The following ADAMTSL1 variants were observed in gnomAD, a reference collection of about 807,000 sequenced individuals.
ADAMTSL1 encodes ADAMTS-like protein 1.
Under a neutral mutation model 201.8 loss-of-function variants are expected in ADAMTSL1, and 126 were observed. The ratio of observed to expected loss-of-function variants is 0.62; its 90% CI spans 0.54 to 0.72. The LOEUF is 0.72. ADAMTSL1 is among the 30% of genes least tolerant of loss of function. ADAMTSL1 has a pLI of 0.00. For missense variants in ADAMTSL1, 2,679 were observed against 2,277.8 expected (o/e 1.18, Z -3.59); for synonymous variants, 1,121 against 903.4 (o/e 1.24, Z -4.32).
Position 18,549,640 on chromosome 9 carries a change from C to T in ADAMTSL1, c.237+16348C>T, listed in dbSNP as rs1293081051. Among the ~76,000 whole-genome samples the T allele has an allele frequency of 3.3e-5, 5 of 152,120 alleles. No individual in the cohort carries two copies. In the South Asian group the frequency reaches 6.2e-4, roughly 19 times the overall value. ...CTAATGAGTGTCTGGGACTATTGAA[C>T]TTCCCCAACCCTTTGAAGTTAGACA... On this transcript the variant is annotated intron_variant, in intron 3 of 28. Coordinates refer to ENST00000380548, the MANE Select transcript of ADAMTSL1 (RefSeq NM_001040272.6).
chr9:18,235,143 A>C (rs952061829), intron 2 of ADAMTSL1, among the ~76,000 whole-genome samples: 7 of 152,102 alleles, frequency 4.6e-5, no homozygotes, highest in Non-Finnish European at 1.0e-4. Flanking sequence ...TTACATTTAC[A>C]CATCATGTCT....
chr9:18,269,306 T>C (rs960087846), intron 2 of ADAMTSL1, among the ~76,000 whole-genome samples: 11 of 152,184 alleles, frequency 7.2e-5, no homozygotes, highest in African/African-American at 1.4e-4. Flanking sequence ...GAGCTTAGCA[T>C]AGGGTCTCTG....
chr9:18,782,823 T>C (rs1414464541), intron 19 of ADAMTSL1, among the ~76,000 whole-genome samples: 1 of 152,178 alleles, frequency 6.6e-6, no homozygotes, highest in African/African-American at 2.4e-5. Context: ...GGAAAGGCAG[T>C]GCGAAAACCC....
At chr9:18,858,641 C>T (rs980423528) in intron 23 of ADAMTSL1, among the ~76,000 whole-genome samples, 7 of 152,180 alleles carry the variant, frequency 4.6e-5, no homozygotes, top group South Asian at 2.1e-4. Flanking sequence ...CTGTGCTCCA[C>T]GGTGCAGGAA....
intron 3 of ADAMTSL1, among the ~76,000 whole-genome samples, 191 bp downstream of exon 3, chr9:18,533,483 G>C (rs1274003295): frequency 3.3e-5 from 5 of 152,100 alleles, no homozygotes; most frequent in Non-Finnish European, 5.9e-5. Flanking sequence ...TTAATCATTT[G>C]AGCAGCTTGA....
chr9:18,140,301 T>C (rs1826342790), intron 1 of ADAMTSL1, among the ~76,000 whole-genome samples: 2 of 152,234 alleles, frequency 1.3e-5, no homozygotes, highest in South Asian at 4.2e-4. Flanking sequence ...TCAGTTTCAG[T>C]GATTTGCCGA....
chr9:18,096,719 T>C (rs1368089127), intron 1 of ADAMTSL1, among the ~76,000 whole-genome samples: 2 of 152,194 alleles, frequency 1.3e-5, no homozygotes, highest in Non-Finnish European at 2.9e-5. Flanking sequence ...TGTTGTATCA[T>C]CACCATCCAA....
intron 1 of ADAMTSL1, among the ~76,000 whole-genome samples, chr9:18,004,909 A>C (rs2131541575): frequency 6.6e-6 from 1 of 152,192 alleles, no homozygotes; most frequent in Admixed American, 6.5e-5. Context: ...AAAAATATCT[A>C]ATTCTACCAT....
At chr9:18,356,896 T>C (rs1310289789) in intron 2 of ADAMTSL1, among the ~76,000 whole-genome samples, 1 of 152,200 alleles carries the variant, frequency 6.6e-6, no homozygotes, top group East Asian at 1.9e-4. Flanking sequence ...ACATCTGTGC[T>C]GAGATCTATC....
intron 13 of ADAMTSL1, among the ~76,000 whole-genome samples, chr9:18,705,413 G>A (rs1564165716): frequency 6.6e-6 from 1 of 152,084 alleles, no homozygotes; most frequent in Admixed American, 6.5e-5. Context: ...CCCCTCTCAA[G>A]GTCATTATAG....
rs1336193569 is a variant in ADAMTSL1 at position 18,661,996 on chromosome 9, A to G, written c.1008A>G (p.Gln336=). The G allele has an allele frequency of 5.0e-6, 8 of 1,614,124 alleles. No homozygotes were observed. Among genetic ancestry groups the G allele is most frequent in the Admixed American group, 1.7e-5 (1 of 60,016 alleles). ...DLRSNRVVAD[Q]YCHYYPENIK... ...GGAGCAACCGTGTGGTTGCTGACCA[A>G]TACTGTCACTATTACCCAGAGAACA... Residue 336 remains glutamine, a synonymous_variant, in exon 9 of 29, where the codon CAA becomes CAG. Coordinates refer to ENST00000380548, the MANE Select transcript of ADAMTSL1 (RefSeq NM_001040272.6).
At chr9:18,254,210 A>G (rs2132503266) in intron 2 of ADAMTSL1, among the ~76,000 whole-genome samples, 1 of 152,268 alleles carries the variant, frequency 6.6e-6, no homozygotes, top group East Asian at 1.9e-4. Flanking sequence ...GATAAACTCT[A>G]TAAAACTCTT....
At chr9:18,315,322 C>T (rs1482555618) in intron 2 of ADAMTSL1, among the ~76,000 whole-genome samples, 1 of 152,168 alleles carries the variant, frequency 6.6e-6, no homozygotes, top group African/African-American at 2.4e-5. Context: ...TCGCCTAGTG[C>T]ATCCCGCGCC....
chr9:18,839,083 T>G (rs1825533626), intron 23 of ADAMTSL1, among the ~76,000 whole-genome samples: 1 of 151,312 alleles, frequency 6.6e-6, no homozygotes, highest in South Asian at 2.1e-4. Flanking sequence ...GTGCACAATG[T>G]GCAGGTTACT....
intron 1 of ADAMTSL1, among the ~76,000 whole-genome samples, chr9:17,975,495 C>T (rs1009806779): frequency 2.6e-5 from 4 of 151,952 alleles, no homozygotes; most frequent in African/African-American, 9.7e-5. Flanking sequence ...TAATACCATT[C>T]GTGAGGGCTG....
At chr9:17,978,588 C>A (rs965616965) in intron 1 of ADAMTSL1, among the ~76,000 whole-genome samples, 10 of 151,650 alleles carry the variant, frequency 6.6e-5, no homozygotes, top group African/African-American at 2.4e-4. Flanking sequence ...TCTCCCTCCA[C>A]ATTTTATGTT....
intron 2 of ADAMTSL1, among the ~76,000 whole-genome samples, chr9:18,239,771 G>T (rs973371829): frequency 6.6e-6 from 1 of 151,054 alleles, no homozygotes; most frequent in Non-Finnish European, 1.5e-5. Context: ...AAGAAGGAAA[G>T]AAGAAAGGAA....
chr9:18,245,908 CCA>C (rs1831243928), intron 2 of ADAMTSL1, among the ~76,000 whole-genome samples: 1 of 152,088 alleles, frequency 6.6e-6, no homozygotes, highest in Non-Finnish European at 1.5e-5. Flanking sequence ...TAAAGTATCA[CCA>C]TTTTATTTTT....
At chr9:18,306,074 G>C (rs1372072871) in intron 2 of ADAMTSL1, among the ~76,000 whole-genome samples, 1 of 152,038 alleles carries the variant, frequency 6.6e-6, no homozygotes, top group Non-Finnish European at 1.5e-5. Flanking sequence ...ACAGGGCATG[G>C]AGTATCCAGC....
Sources: allele counts gnomAD v4.1 joint callset (sites outside exome capture counted in the v4.1 genomes callset), GRCh38; gene constraint gnomAD v4.1.1; transcripts MANE v1.5; gene names NCBI Gene and HGNC (gene_info 2026-07-23, HGNC 2026-07-21).